Variants in SDK2 observed in about 807,000 individuals in gnomAD.
SDK2 encodes the protein sidekick cell adhesion molecule 2, also known as protein sidekick-2.
Under a neutral mutation model 253.9 loss-of-function variants are expected in SDK2, and 105 were observed. The observed-to-expected ratio is 0.41, with a 90% CI of 0.35 to 0.49. The LOEUF is 0.49. Ranked by LOEUF, SDK2 falls within the 20% of genes least tolerant of loss-of-function variation. The pLI, the probability that SDK2 is intolerant of heterozygous loss-of-function variation, is 0.06. For synonymous variants in SDK2, 1,249 were observed against 1,234.9 expected (o/e 1.01, Z -0.24); for missense variants, 2,608 against 3,003.0 (o/e 0.87, Z 3.07).
At chr17:73,445,382 G>A (rs953685605) in intron 5 of SDK2, among the ~76,000 whole-genome samples, 1 of 152,240 alleles carries the variant, frequency 6.6e-6, no homozygotes, top group East Asian at 1.9e-4. Flanking sequence ...ATTTCCTTTC[G>A]ACAGTGTAGC....
chr17:73,363,116 TATTG>T (rs1416089833), intron 38 of SDK2, among the ~76,000 whole-genome samples: 1 of 152,182 alleles, frequency 6.6e-6, no homozygotes, highest in Non-Finnish European at 1.5e-5. Context: ...GGATTTTCAC[TATTG>T]TTGCCCAGGC....
intron 36 of SDK2, among the ~76,000 whole-genome samples, chr17:73,372,829 T>A (rs888111615): frequency 2.0e-5 from 3 of 152,216 alleles, no homozygotes; most frequent in Non-Finnish European, 2.9e-5. Context: ...TGTTCTGATA[T>A]ACACATGCAT....
At chr17:73,572,432 T>A (rs561946763) in intron 1 of SDK2, among the ~76,000 whole-genome samples, 1 of 152,008 alleles carries the variant, frequency 6.6e-6, no homozygotes, top group Non-Finnish European at 1.5e-5. Flanking sequence ...CCAGCTCCCA[T>A]CCACCCCCAC....
At chr17:73,357,704 G>T (rs150657627) in intron 40 of SDK2, 3 of 331,316 alleles carry the variant, frequency 9.1e-6, no homozygotes, top group African/African-American at 6.7e-5. Flanking sequence ...CAGAGACAGG[G>T]CTTCGAGAGG....
intron 2 of SDK2, among the ~76,000 whole-genome samples, chr17:73,507,216 C>T (rs887632676): frequency 5.9e-5 from 9 of 152,236 alleles, no homozygotes; most frequent in Non-Finnish European, 1.2e-4. Context: ...GTCCAGGCAG[C>T]GCTGGCCCCT....
At chr17:73,377,652 C>A (rs192851688) in intron 36 of SDK2, among the ~76,000 whole-genome samples, 2 of 148,420 alleles carry the variant, frequency 1.3e-5, no homozygotes, top group Admixed American at 1.3e-4. Flanking sequence ...TTTTTGAGAC[C>A]TCTTGGCTGG....
chr17:73,416,138 C>G (rs1192157408), intron 16 of SDK2, 146 bp from the exon 17 acceptor site: 1 of 615,868 alleles, frequency 1.6e-6, no homozygotes, highest in Non-Finnish European at 2.8e-6. Flanking sequence ...AGGGTGCCCG[C>G]CAGCACATGC....
rs1023397718 is a variant in SDK2 at position 73,534,290 on chromosome 17, G to A, written c.65-26693C>T. ...ATGCAAGAGCGGGTCCGCTGCTGGGGGAAGGGGAGTGGCATTAAATAGCTG... is the reference window on the plus strand; with the variant it reads ...ATGCAAGAGCGGGTCCGCTGCTGGGAGAAGGGGAGTGGCATTAAATAGCTG... On this transcript the variant is annotated intron_variant, in intron 1 of 44. Coordinates refer to ENST00000392650, the MANE Select transcript of SDK2 (RefSeq NM_001144952.2). This position sits in a 1 kb window ranked among gnomAD's most constrained non-coding sequence, Gnocchi z 4.9. 1.3e-5 allele frequency among the ~76,000 whole-genome samples: 2 copies of A among 152,228 alleles called. No homozygotes were observed. The highest frequency in any genetic ancestry group is 4.8e-5 in the African/African-American group (2 of 41,452).
rs1052644869 is a variant in SDK2 at position 73,338,377 on chromosome 17, G to A, written c.*210C>T. 13 of 688,730 alleles carry A rather than the reference G, an allele frequency of 1.9e-5. No homozygotes were observed. The Admixed American group carries it at 2.2e-4, about 12-fold the overall frequency. 42.7% of individuals were successfully genotyped at this position (688,730 alleles called of 1,614,324 possible). On this transcript the variant is annotated 3_prime_UTR_variant, in exon 45 of 45. Transcript: ENST00000392650. The surrounding 1 kb of genome is among the most constrained non-coding windows in gnomAD (Gnocchi z 5.0). Reference sequence around the variant, plus strand: ...CAGTGAACCCCACCATCTCAAAGCTGAAGAGCTGCTGGCCACACACATCCT... The same window carrying A: ...CAGTGAACCCCACCATCTCAAAGCTAAAGAGCTGCTGGCCACACACATCCT...
At chr17:73,427,464 A>G (rs1320304175) in intron 12 of SDK2, among the ~76,000 whole-genome samples, 1 of 152,244 alleles carries the variant, frequency 6.6e-6, no homozygotes, top group Admixed American at 6.5e-5. Context: ...TGACAAGACC[A>G]TATGGCTCTC....
intron 5 of SDK2, among the ~76,000 whole-genome samples, chr17:73,446,059 G>T (rs999422004): frequency 1.3e-5 from 2 of 152,160 alleles, no homozygotes; most frequent in African/African-American, 4.8e-5. Flanking sequence ...GCCGGAGAAG[G>T]GGAACAGACA....
chr17:73,344,711 C>T (rs916715899), intron 44 of SDK2, among the ~76,000 whole-genome samples: 7 of 152,146 alleles, frequency 4.6e-5, no homozygotes, highest in African/African-American at 1.2e-4. Flanking sequence ...CTTTGGGCTG[C>T]GAGGATCTGG....
rs2046422937 is a variant in SDK2, at chr17:73,643,408, C to T, written c.64+617G>A. Reference sequence around the variant, plus strand: ...CCTGTGCACCACCCCCCGGTGGGTCCGCGGCTGCACCCGCGACCTTGGCTC... The same window carrying T: ...CCTGTGCACCACCCCCCGGTGGGTCTGCGGCTGCACCCGCGACCTTGGCTC... On this transcript the variant is annotated intron_variant, in intron 1 of 44. Coordinates refer to ENST00000392650, the MANE Select transcript of SDK2 (RefSeq NM_001144952.2). This position sits in a 1 kb window ranked among gnomAD's most constrained non-coding sequence, Gnocchi z 6.9. Among the ~76,000 whole-genome samples, 1 of 152,122 alleles carries T rather than the reference C, an allele frequency of 6.6e-6. No homozygotes were observed. The highest frequency in any genetic ancestry group is 2.1e-4 in the South Asian group (1 of 4,832).
At chr17:73,588,280 G>A (rs1161686081) in intron 1 of SDK2, among the ~76,000 whole-genome samples, 2 of 150,516 alleles carry the variant, frequency 1.3e-5, no homozygotes, top group Admixed American at 1.3e-4. Context: ...TCAGCTACTC[G>A]GGAGGGGGAG....
At chr17:73,590,402 G>A in intron 1 of SDK2, among the ~76,000 whole-genome samples, 1 of 152,246 alleles carries the variant, frequency 6.6e-6, no homozygotes, top group East Asian at 1.9e-4. Context: ...AAGAAGCACA[G>A]CAGCAACTTG....
Position 73,521,538 on chromosome 17 carries a change from C to G in SDK2, c.65-13941G>C, listed in dbSNP as rs1199965631. The G allele has an allele frequency of 2.0e-5, 3 of 152,412 alleles. No individual in the cohort carries two copies. In the East Asian group the frequency reaches 5.8e-4, roughly 29 times the overall value. The allele number at this position is 152,412 out of a possible 1,614,324, so 9.4% of individuals were successfully genotyped here. On this transcript the variant is annotated intron_variant, in intron 1 of 44. Coordinates refer to ENST00000392650, the MANE Select transcript of SDK2 (RefSeq NM_001144952.2). Reference sequence around the variant, plus strand: ...GTGCTAATCCATCATCTGGCTCCTGCCTTCCTGCCTCCCGCCCTTGCCCTG... The same window carrying G: ...GTGCTAATCCATCATCTGGCTCCTGGCTTCCTGCCTCCCGCCCTTGCCCTG...
chr17:73,384,056 C>G (rs76207297), intron 32 of SDK2, 45 bp from the exon 33 acceptor site: 3 of 1,584,394 alleles, frequency 1.9e-6, no homozygotes, highest in East Asian at 2.3e-5. Context: ...TGGACCACCA[C>G]CCACCCCTCC....
At position 73,361,986 on chromosome 17, in the gene SDK2, C is replaced by T. The variant is rs2062645495; in HGVS notation, c.5306-141G>A. ...CTCCTTGAGGTCAGGCTGAAATGCA[C>T]CCCCAGCCCACACAACCACATTGCC... On this transcript the variant is annotated intron_variant, in intron 38 of 44. Coordinates refer to ENST00000392650, the MANE Select transcript of SDK2 (RefSeq NM_001144952.2). The surrounding 1 kb of genome is among the most constrained non-coding windows in gnomAD (Gnocchi z 4.1). 2 of 724,122 alleles carry T rather than the reference C, an allele frequency of 2.8e-6. No homozygotes were observed. The highest frequency in any genetic ancestry group is 3.9e-4 in the Middle Eastern group (1 of 2,584). The allele number at this position is 724,122 out of a possible 1,614,324, so 44.9% of individuals were successfully genotyped here.
At position 73,480,232 on chromosome 17, in the gene SDK2, T is replaced by C. The variant is rs142677465; in HGVS notation, c.225-8014A>G. Among the ~76,000 whole-genome samples the C allele has an allele frequency of 3.6e-3, 553 of 152,340 alleles. 1 individual carries two copies. Among genetic ancestry groups the C allele is most frequent in the Admixed American group, 5.2e-3 (80 of 15,308 alleles). On this transcript the variant is annotated intron_variant, in intron 2 of 44. Coordinates refer to ENST00000392650, the MANE Select transcript of SDK2 (RefSeq NM_001144952.2). ...TAGAATGATGGGACAGTCTGGCCCA[T>C]TGACAACATGAACCTAACGGGATAT...
Sources: gnomAD v4.1 joint callset for allele counts (sites outside exome capture counted in the v4.1 genomes callset) on GRCh38, gnomAD v4.1.1 for gene constraint, Gnocchi (gnomAD v3.1) non-coding constraint, MANE v1.5 for transcripts, NCBI Gene and HGNC (gene_info 2026-07-23, HGNC 2026-07-21) for gene names.